The following CNIH3 variants were observed in gnomAD, a reference collection of about 807,000 sequenced individuals.
CNIH3 encodes cornichon family AMPA receptor auxiliary protein 3.
A neutral mutation model predicts 24.1 loss-of-function variants in CNIH3; 14 were observed. That is an observed-to-expected ratio of 0.58 (90% confidence interval 0.38 to 0.91). CNIH3 has a LOEUF of 0.91. Among genes scored for constraint, CNIH3 ranks in the 40% least tolerant of loss-of-function variants. The probability of loss-of-function intolerance (pLI) is 0.00; values close to 1 mark genes in which losing one functional copy is unlikely to be tolerated. For missense variants in CNIH3, 178 were observed against 196.8 expected, an observed-to-expected ratio of 0.90 and a Z score of 0.57; for synonymous variants, 68 against 73.8, an observed-to-expected ratio of 0.92 and a Z score of 0.40.
In CNIH3 at chr1:224,684,817, G is replaced by A. The variant is rs374139283; in HGVS notation, c.172G>A (p.Glu58Lys). ...VHARERLRNI[E>K]RICFLLRKLV... ...ATAGAGGGAACGGTTGAGGAACATC[G>A]AGCGCATCTGCTTCCTTCTGCGAAA... The change falls in exon 3 of 6, where the codon GAG becomes AAG. Residue 58 changes from glutamate to lysine, a missense_variant. By Grantham distance (56) the Glu-to-Lys change is moderately conservative. Transcript: ENST00000272133. The surrounding 1 kb of genome is among the most constrained non-coding windows in gnomAD (Gnocchi z 4.2). 4 of 1,614,084 alleles carry A rather than the reference G, an allele frequency of 2.5e-6. No individual in the cohort carries two copies. Among genetic ancestry groups the A allele is most frequent in the South Asian group, 1.1e-5 (1 of 91,068 alleles).
chr1:224,452,148 A>C (rs1675424705), intron 1 of CNIH3, among the ~76,000 whole-genome samples: 1 of 119,736 alleles, frequency 8.4e-6, no homozygotes, highest in Non-Finnish European at 1.7e-5. Context: ...TCCTTTACCA[A>C]TGTCTTTTTT....
chr1:224,598,650 C>G (rs972686961), intron 3 of CNIH3, among the ~76,000 whole-genome samples: 2 of 152,206 alleles, frequency 1.3e-5, no homozygotes, highest in Non-Finnish European at 2.9e-5. Context: ...CAGCAACCAC[C>G]ACGTTGATCA....
chr1:224,539,721 C>G (rs531132254), downstream of CNIH3, among the ~76,000 whole-genome samples: 1 of 152,296 alleles, frequency 6.6e-6, no homozygotes, highest in East Asian at 1.9e-4. Context: ...TTATGCTATC[C>G]GTGAGAGGTA....
At chr1:224,592,319 G>A (rs1328088729), downstream of CNIH3, among the ~76,000 whole-genome samples, 1 of 152,152 alleles carries the variant, frequency 6.6e-6, no homozygotes, top group Non-Finnish European at 1.5e-5. Context: ...AAAGACAAGA[G>A]AGCAGAACTC....
At chr1:224,663,870 A>T (rs1438493414) in intron 1 of CNIH3, among the ~76,000 whole-genome samples, 2 of 152,242 alleles carry the variant, frequency 1.3e-5, no homozygotes, top group African/African-American at 4.8e-5. Flanking sequence ...GCAGCTGCTT[A>T]GGAGGGCTTC....
At chr1:224,647,026 A>C (rs779572785) in intron 1 of CNIH3, among the ~76,000 whole-genome samples, 1 of 152,110 alleles carries the variant, frequency 6.6e-6, no homozygotes, top group Non-Finnish European at 1.5e-5. Context: ...TTGCTCTGTC[A>C]TGCAAGCCAG....
chr1:224,569,981 A>G (rs987161966), intron 4 of CNIH3, among the ~76,000 whole-genome samples: 3 of 151,650 alleles, frequency 2.0e-5, no homozygotes, highest in Non-Finnish European at 4.4e-5. Flanking sequence ...ATGGGGTTTC[A>G]CCATGTTGGC....
intron 2 of CNIH3, among the ~76,000 whole-genome samples, chr1:224,526,568 T>A (rs572481620): frequency 2.0e-5 from 3 of 152,202 alleles, no homozygotes; most frequent in South Asian, 2.1e-4. Context: ...TTATTTATTT[T>A]TTGCAATGCA....
chr1:224,633,198 C>T (rs537583836), intron 1 of CNIH3, among the ~76,000 whole-genome samples: 3 of 152,078 alleles, frequency 2.0e-5, no homozygotes, highest in African/African-American at 4.8e-5. Flanking sequence ...TTGCTCTGTC[C>T]ACCAGGCTGG....
At chr1:224,576,468 A>T (rs1681041733) in intron 4 of CNIH3, among the ~76,000 whole-genome samples, 1 of 152,232 alleles carries the variant, frequency 6.6e-6, no homozygotes, top group African/African-American at 2.4e-5. Context: ...TCTAAATAAC[A>T]TGCTTGTCTT....
At chr1:224,506,813 G>A (rs1417834693) in intron 1 of CNIH3, among the ~76,000 whole-genome samples, 1 of 151,744 alleles carries the variant, frequency 6.6e-6, no homozygotes, top group Non-Finnish European at 1.5e-5. Context: ...TTATCAACAA[G>A]CTCAGTATCT....
intron 1 of CNIH3, among the ~76,000 whole-genome samples, chr1:224,646,657 C>T (rs564179929): frequency 5.3e-5 from 8 of 152,268 alleles, no homozygotes; most frequent in South Asian, 4.1e-4. Flanking sequence ...CCTCCTGCTT[C>T]GGCATCCTAA....
chr1:224,519,841 G>C (rs1288386483), intron 1 of CNIH3, among the ~76,000 whole-genome samples: 1 of 151,860 alleles, frequency 6.6e-6, no homozygotes, highest in Non-Finnish European at 1.5e-5. Context: ...CTATTGAGAT[G>C]GAAATGAATT....
At chr1:224,455,964 G>A (rs1675632067) in intron 1 of CNIH3, among the ~76,000 whole-genome samples, 1 of 152,110 alleles carries the variant, frequency 6.6e-6, no homozygotes, top group African/African-American at 2.4e-5. Context: ...TATATTTGTG[G>A]CACCACAGGT....
intron 5 of CNIH3, among the ~76,000 whole-genome samples, chr1:224,737,966 G>A (rs112142478): frequency 4.1e-4 from 63 of 152,248 alleles, no homozygotes; most frequent in Non-Finnish European, 7.1e-4. Flanking sequence ...ATTTTTTTCC[G>A]ACCTGAAGTA....
chr1:224,663,660 C>G (rs1685466011), intron 1 of CNIH3, among the ~76,000 whole-genome samples: 1 of 152,200 alleles, frequency 6.6e-6, no homozygotes, highest in South Asian at 2.1e-4. Flanking sequence ...CTTGTTCAAC[C>G]TGCAAATGGA....
chr1:224,446,171 A>T (rs930098113), intron 1 of CNIH3, among the ~76,000 whole-genome samples: 2 of 146,958 alleles, frequency 1.4e-5, no homozygotes, highest in African/African-American at 5.0e-5. Flanking sequence ...CTGTAATTTT[A>T]TAGTAAGTTT....
chr1:224,516,679 C>T (rs1456500685), intron 1 of CNIH3, among the ~76,000 whole-genome samples: 1 of 152,240 alleles, frequency 6.6e-6, no homozygotes, highest in Non-Finnish European at 1.5e-5. Context: ...CAGCCTGGCC[C>T]CTGCATGGGT....
intron 1 of CNIH3, among the ~76,000 whole-genome samples, chr1:224,488,407 C>T (rs956348304): frequency 5.3e-5 from 7 of 130,872 alleles, no homozygotes; most frequent in South Asian, 2.3e-4. Flanking sequence ...TCTTCAAGTT[C>T]ACTGACGCTT....
Sources: gnomAD v4.1 joint callset for allele counts (sites outside exome capture counted in the v4.1 genomes callset) on GRCh38, gnomAD v4.1.1 for gene constraint, Gnocchi (gnomAD v3.1) non-coding constraint, MANE v1.5 for transcripts, NCBI Gene and HGNC (gene_info 2026-07-23, HGNC 2026-07-21) for gene names.